DAB1: variants seen among roughly 807,000 people sequenced by gnomAD.
DAB1 encodes disabled homolog 1.
DAB1 carries 15 observed loss-of-function variants against 64.6 expected under a neutral mutation model. The ratio of observed to expected loss-of-function variants is 0.23; its 90% CI spans 0.16 to 0.36. DAB1 has a LOEUF of 0.36. Ranked by LOEUF, DAB1 falls within the 10% of genes least tolerant of loss-of-function variation. The pLI, the probability that DAB1 is intolerant of heterozygous loss-of-function variation, is 1.00. For synonymous variants in DAB1, 235 were observed against 251.9 expected (o/e 0.93, Z 0.64); for missense variants, 596 against 706.7 (o/e 0.84, Z 1.78).
intron 6 of DAB1, among the ~76,000 whole-genome samples, chr1:57,750,121 G>A (rs993018853): frequency 6.6e-6 from 1 of 152,066 alleles, no homozygotes; most frequent in Non-Finnish European, 1.5e-5. Flanking sequence ...CTTTGTTGCT[G>A]GGCCATCCTA....
intron 7 of DAB1, among the ~76,000 whole-genome samples, chr1:57,627,834 G>A (rs926940578): frequency 2.6e-5 from 4 of 152,176 alleles, no homozygotes; most frequent in African/African-American, 9.7e-5. Context: ...TGAGGGTGGG[G>A]TGGGCAACAG....
intron 6 of DAB1, among the ~76,000 whole-genome samples, chr1:57,784,392 C>CA (rs1251268295): frequency 2.0e-5 from 3 of 151,930 alleles, no homozygotes; most frequent in Admixed American, 2.0e-4. Flanking sequence ...GATCCAGTCT[C>CA]AAAAAACAAA....
intron 7 of DAB1, among the ~76,000 whole-genome samples, chr1:57,450,647 C>A (rs74576499): frequency 2.0e-5 from 3 of 152,272 alleles, no homozygotes; most frequent in East Asian, 3.9e-4. Context: ...ATGGACATCT[C>A]GAATTATCTT....
At chr1:57,367,103 TA>T (rs1198130505) in intron 1 of DAB1, among the ~76,000 whole-genome samples, 7 of 101,826 alleles carry the variant, frequency 6.9e-5, no homozygotes, top group South Asian at 3.0e-4. Context: ...TAAAATAAAA[TA>T]AAATAAAATA....
At chr1:58,379,113 G>T (rs1340098737) in intron 3 of DAB1, among the ~76,000 whole-genome samples, 1 of 151,800 alleles carries the variant, frequency 6.6e-6, no homozygotes, top group East Asian at 1.9e-4. Context: ...CGGTACCTCA[G>T]ATGGAAATGC....
intron 9 of DAB1, among the ~76,000 whole-genome samples, chr1:57,039,200 C>T (rs1167111324): frequency 2.0e-5 from 3 of 152,128 alleles, no homozygotes; most frequent in Non-Finnish European, 4.4e-5. Context: ...GCCTCAGTTT[C>T]CCCCACTGCA....
At chr1:57,948,806 T>C (rs1424351271) in intron 5 of DAB1, among the ~76,000 whole-genome samples, 2 of 152,214 alleles carry the variant, frequency 1.3e-5, no homozygotes, top group Non-Finnish European at 2.9e-5. Context: ...TTGAAGAATC[T>C]GAACCTAGAG....
intron 3 of DAB1, among the ~76,000 whole-genome samples, chr1:58,432,116 G>A (rs764453742): frequency 3.3e-5 from 5 of 152,078 alleles, no homozygotes; most frequent in East Asian, 1.9e-4. Context: ...TGGTTCCACC[G>A]GCTCCTCCTA....
At chr1:57,987,813 C>T (rs968894909) in intron 5 of DAB1, among the ~76,000 whole-genome samples, 12 of 151,530 alleles carry the variant, frequency 7.9e-5, no homozygotes, top group Non-Finnish European at 7.4e-5. Flanking sequence ...GTGAAGTGTC[C>T]CCTCCAAAGT....
chr1:57,692,526 G>C (rs931146087), intron 6 of DAB1, among the ~76,000 whole-genome samples: 1 of 152,146 alleles, frequency 6.6e-6, no homozygotes, highest in Non-Finnish European at 1.5e-5. Context: ...GAGGGAGTCA[G>C]AGAGAGACAA....
intron 7 of DAB1, among the ~76,000 whole-genome samples, chr1:57,627,190 C>T (rs1356650370): frequency 2.0e-5 from 3 of 152,160 alleles, no homozygotes; most frequent in Non-Finnish European, 4.4e-5. Context: ...CTTGGTGTTC[C>T]TGGTTCTCAC....
intron 7 of DAB1, among the ~76,000 whole-genome samples, chr1:57,620,818 G>A (rs1357921628): frequency 2.0e-5 from 3 of 152,178 alleles, no homozygotes; most frequent in Admixed American, 6.5e-5. Flanking sequence ...GGGGGGCAGC[G>A]CGGCAGACAC....
intron 6 of DAB1, among the ~76,000 whole-genome samples, chr1:57,703,727 C>T (rs1288099715): frequency 6.6e-6 from 1 of 152,098 alleles, no homozygotes; most frequent in Non-Finnish European, 1.5e-5. Context: ...TATAAAGACA[C>T]ATGCACATGT....
At chr1:57,400,700 T>C (rs1326776292) in intron 1 of DAB1, among the ~76,000 whole-genome samples, 1 of 151,992 alleles carries the variant, frequency 6.6e-6, no homozygotes, top group Non-Finnish European at 1.5e-5. Flanking sequence ...GAGAGAATTC[T>C]CACACAAATC....
At chr1:58,499,420 A>T (rs1295123443) in intron 3 of DAB1, among the ~76,000 whole-genome samples, 1 of 151,720 alleles carries the variant, frequency 6.6e-6, no homozygotes, top group Non-Finnish European at 1.5e-5. Flanking sequence ...AGGACTTCAA[A>T]GCTGCAGTGA....
At chr1:57,787,030 G>A (rs895687105) in intron 6 of DAB1, among the ~76,000 whole-genome samples, 1 of 151,614 alleles carries the variant, frequency 6.6e-6, no homozygotes, top group Non-Finnish European at 1.5e-5. Flanking sequence ...TAAATAAATG[G>A]AAAGATAAAC....
At chr1:58,138,687 C>G (rs775750398) in intron 5 of DAB1, among the ~76,000 whole-genome samples, 1 of 152,020 alleles carries the variant, frequency 6.6e-6, no homozygotes, top group Non-Finnish European at 1.5e-5. Flanking sequence ...AAAGTCTGTA[C>G]TTTCAAAATA....
chr1:58,415,650 C>T (rs983734862), intron 3 of DAB1, among the ~76,000 whole-genome samples: 1 of 152,232 alleles, frequency 6.6e-6, no homozygotes, highest in Non-Finnish European at 1.5e-5. Flanking sequence ...TGGAATTTCT[C>T]TTCCTCCCTA....
At chr1:57,563,112 C>A (rs961110652) in intron 7 of DAB1, among the ~76,000 whole-genome samples, 1 of 152,136 alleles carries the variant, frequency 6.6e-6, no homozygotes, top group African/African-American at 2.4e-5. Context: ...ACAAAAAAAA[C>A]ACCTTGACCT....
Sources: allele counts gnomAD v4.1 joint callset (sites outside exome capture counted in the v4.1 genomes callset), GRCh38; gene constraint gnomAD v4.1.1; transcripts MANE v1.5; gene names NCBI Gene and HGNC (gene_info 2026-07-23, HGNC 2026-07-21).